SKIC8: variants seen among roughly 807,000 people sequenced by gnomAD.
SKIC8 encodes the protein SKI8 subunit of superkiller complex.
At chr15:78,289,915 G>A in the SKIC8 span, 3 of 1,603,108 alleles carry the variant, frequency 1.9e-6, no homozygotes, top group Non-Finnish European at 2.6e-6. Flanking sequence ...TAAACTGAAA[G>A]AATCAGAAGG....
the SKIC8 span, chr15:78,283,237 T>G: frequency 2.0e-5 from 10 of 501,780 alleles, no homozygotes; most frequent in African/African-American, 1.6e-4. Flanking sequence ...CACCAGTGTT[T>G]GCATTAAGAA....
chr15:78,289,913 AAGAATC>A, the SKIC8 span: 2 of 1,602,652 alleles, frequency 1.2e-6, no homozygotes, highest in Non-Finnish European at 1.7e-6. Context: ...GGTAAACTGA[AAGAATC>A]AGAAGGAGAA....
the SKIC8 span, chr15:78,293,146 T>G: frequency 1.2e-6 from 2 of 1,602,908 alleles, no homozygotes; most frequent in African/African-American, 1.3e-5. Flanking sequence ...CAAGGCTGTA[T>G]GTTAGGGGAG....
the SKIC8 span, chr15:78,289,929 A>G: frequency 1.9e-6 from 3 of 1,609,982 alleles, no homozygotes; most frequent in East Asian, 4.5e-5. Context: ...CAGAAGGAGA[A>G]CAGAGAGCAA....
chr15:78,294,142 T>G, the SKIC8 span, among the ~76,000 whole-genome samples: 1 of 152,232 alleles, frequency 6.6e-6, no homozygotes, highest in Non-Finnish European at 1.5e-5. Flanking sequence ...GCCACCTGGA[T>G]GACAATAGCT....
the SKIC8 span, chr15:78,295,424 A>G: frequency 1.8e-6 from 1 of 557,828 alleles, no homozygotes; most frequent in African/African-American, 2.0e-5. Context: ...TTTTTGTACA[A>G]CATCTTTTAA....
chr15:78,291,599 A>C, the SKIC8 span, among the ~76,000 whole-genome samples: 1 of 152,222 alleles, frequency 6.6e-6, no homozygotes, highest in Non-Finnish European at 1.5e-5. Context: ...TAAGAATTAC[A>C]GACAAGAAAT....
the SKIC8 span, chr15:78,289,792 T>A: frequency 3.5e-5 from 54 of 1,528,544 alleles, no homozygotes; most frequent in Non-Finnish European, 4.8e-5. Context: ...CAAGCAAACC[T>A]CCTGCTATCT....
At chr15:78,284,429 T>C in the SKIC8 span, 5 of 152,162 alleles carry the variant, frequency 3.3e-5, no homozygotes, top group Non-Finnish European at 1.5e-5. Context: ...AGAGGAGAAA[T>C]CTATAGGACC....
chr15:78,290,850 C>T, the SKIC8 span: 2 of 151,922 alleles, frequency 1.3e-5, no homozygotes, highest in Non-Finnish European at 2.9e-5. Context: ...TGCTCTGTCA[C>T]CTAGGCTGGA....
At chr15:78,293,180 T>C in the SKIC8 span, 1 of 1,614,068 alleles carries the variant, frequency 6.2e-7, no homozygotes. Context: ...TTCCAGACCT[T>C]CACCAGGTCA....
the SKIC8 span, chr15:78,292,822 C>T: frequency 6.2e-7 from 1 of 1,608,756 alleles, no homozygotes; most frequent in Non-Finnish European, 8.5e-7. Context: ...GATTTCTTCA[C>T]AAAGAACACA....
the SKIC8 span, chr15:78,292,449 G>A: frequency 8.8e-6 from 6 of 681,986 alleles, no homozygotes; most frequent in Admixed American, 1.5e-4. Flanking sequence ...TCATTACAGT[G>A]CTGTTTCCAG....
chr15:78,298,950 T>C, the SKIC8 span, among the ~76,000 whole-genome samples: 1 of 152,118 alleles, frequency 6.6e-6, no homozygotes, highest in Non-Finnish European at 1.5e-5. Context: ...TACTTCAGGG[T>C]CTTATGAAGG....
chr15:78,291,148 T>C, the SKIC8 span: 4 of 152,128 alleles, frequency 2.6e-5, no homozygotes, highest in African/African-American at 4.8e-5. Flanking sequence ...GAATATCCAG[T>C]AAAAGGTACT....
At chr15:78,283,623 T>C in the SKIC8 span, 1 of 885,394 alleles carries the variant, frequency 1.1e-6, no homozygotes, top group Non-Finnish European at 1.7e-6. Flanking sequence ...CTACCAAAAC[T>C]GAGATGAGGA....
At chr15:78,283,423 CTT>C in the SKIC8 span, 10 of 1,608,772 alleles carry the variant, frequency 6.2e-6, no homozygotes, top group Non-Finnish European at 7.7e-6. Flanking sequence ...AGCCTGGAGA[CTT>C]TGATGTTTAA....
the SKIC8 span, among the ~76,000 whole-genome samples, chr15:78,293,819 T>G: frequency 6.6e-6 from 1 of 152,344 alleles, no homozygotes; most frequent in Non-Finnish European, 1.5e-5. Context: ...TGGGTACTAT[T>G]AATATCCTCA....
At chr15:78,287,896 C>G in the SKIC8 span, among the ~76,000 whole-genome samples, 1 of 152,182 alleles carries the variant, frequency 6.6e-6, no homozygotes, top group Non-Finnish European at 1.5e-5. Flanking sequence ...AGAGGCATGT[C>G]TGCTAGAACA....
Sources: allele counts gnomAD v4.1 joint callset (sites outside exome capture counted in the v4.1 genomes callset), GRCh38; gene constraint gnomAD v4.1.1; transcripts MANE v1.5; gene names NCBI Gene and HGNC (gene_info 2026-07-23, HGNC 2026-07-21).